DLG2: variants seen among roughly 807,000 people sequenced by gnomAD.
The protein encoded by DLG2 is disks large homolog 2.
Under a neutral mutation model 132.5 loss-of-function variants are expected in DLG2, and 45 were observed. That is an observed-to-expected ratio of 0.34 (90% CI 0.27 to 0.44). The LOEUF (loss-of-function observed/expected upper bound fraction) is 0.44, where lower values mean the gene tolerates loss of function less well. DLG2 is among the 20% of genes least tolerant of loss of function. The pLI is 1.00. For missense variants in DLG2, 1,045 were observed against 1,196.9 expected (o/e 0.87, Z 1.87); for synonymous variants, 424 against 419.6 (o/e 1.01, Z -0.13).
At chr11:84,214,603 G>T (rs1343693319) in intron 8 of DLG2, among the ~76,000 whole-genome samples, 2 of 152,004 alleles carry the variant, frequency 1.3e-5, no homozygotes, top group Admixed American at 6.6e-5. Context: ...TAGCCAGATT[G>T]CACTCTCAGT....
intron 4 of DLG2, among the ~76,000 whole-genome samples, chr11:85,278,139 A>G (rs2078006113): frequency 6.6e-6 from 1 of 152,216 alleles, no homozygotes; most frequent in Non-Finnish European, 1.5e-5. Flanking sequence ...CTCCTAAGAA[A>G]GGTGATGGGA....
At chr11:85,475,951 A>G (rs1183588211) in intron 3 of DLG2, among the ~76,000 whole-genome samples, 1 of 152,136 alleles carries the variant, frequency 6.6e-6, no homozygotes, top group Non-Finnish European at 1.5e-5. Context: ...ATATCCAAAG[A>G]TCTAAGAAAG....
chr11:84,480,635 C>A (rs1277381271), intron 7 of DLG2, among the ~76,000 whole-genome samples: 1 of 151,970 alleles, frequency 6.6e-6, no homozygotes, highest in Non-Finnish European at 1.5e-5. Flanking sequence ...AATTTCTGGG[C>A]TCAAAATCCA....
chr11:85,128,581 T>C (rs923340255), intron 5 of DLG2, among the ~76,000 whole-genome samples: 3 of 152,148 alleles, frequency 2.0e-5, no homozygotes, highest in African/African-American at 7.2e-5. Flanking sequence ...ATTGACTCCT[T>C]GCATTTCATT....
intron 4 of DLG2, among the ~76,000 whole-genome samples, chr11:85,283,318 C>T (rs1195263840): frequency 1.3e-5 from 2 of 148,528 alleles, no homozygotes; most frequent in Non-Finnish European, 3.0e-5. Flanking sequence ...GCAATGAAAG[C>T]CTAGAAAAAA....
chr11:84,581,990 T>G (rs1201155985), intron 6 of DLG2, among the ~76,000 whole-genome samples: 1 of 150,888 alleles, frequency 6.6e-6, no homozygotes, highest in Non-Finnish European at 1.5e-5. Flanking sequence ...TTAGTGTTCA[T>G]ATTCACAAAT....
chr11:84,770,251 G>C (rs2069086337), intron 6 of DLG2, among the ~76,000 whole-genome samples: 1 of 152,182 alleles, frequency 6.6e-6, no homozygotes, highest in Non-Finnish European at 1.5e-5. Context: ...CTGAGCAGAT[G>C]CTGGTGTCAT....
chr11:83,863,789 AG>A (rs2061832705), intron 16 of DLG2, among the ~76,000 whole-genome samples: 7 of 152,288 alleles, frequency 4.6e-5, no homozygotes, highest in African/African-American at 1.7e-4. Context: ...ATTTAAATGA[AG>A]TTACAGATAT....
intron 6 of DLG2, among the ~76,000 whole-genome samples, chr11:85,104,104 G>T (rs969670041): frequency 6.6e-6 from 1 of 151,834 alleles, no homozygotes; most frequent in Non-Finnish European, 1.5e-5. Flanking sequence ...TTCATATATT[G>T]CTAGAAGGAA....
intron 25 of DLG2, 85 bp downstream of exon 25, chr11:83,469,116 G>C (rs1297301472): frequency 1.0e-6 from 1 of 979,082 alleles, no homozygotes; most frequent in South Asian, 1.9e-5. Context: ...AATCAAGAAA[G>C]AGTAATGACC....
chr11:84,852,104 A>G (rs1376656080), intron 6 of DLG2, among the ~76,000 whole-genome samples: 1 of 152,030 alleles, frequency 6.6e-6, no homozygotes, highest in Non-Finnish European at 1.5e-5. Flanking sequence ...TCAATGGGTG[A>G]GCCTACCTGC....
At chr11:85,474,992 CAA>C (rs1331046103) in intron 3 of DLG2, among the ~76,000 whole-genome samples, 3 of 150,954 alleles carry the variant, frequency 2.0e-5, no homozygotes, top group Non-Finnish European at 3.0e-5. Flanking sequence ...GAAAAGGTAA[CAA>C]AGAGTAGAAA....
intron 16 of DLG2, among the ~76,000 whole-genome samples, chr11:83,850,160 G>GTGTGTGTGTGTGTGTGT (rs1452960432): frequency 8.0e-6 from 1 of 124,302 alleles, no homozygotes; most frequent in Non-Finnish European, 1.7e-5. Flanking sequence ...GTGTGTGTGT[G>GTGTGTGTGTGTGTGTGT]TTTTTTTACT....
chr11:84,653,303 T>C (rs1486861487), intron 6 of DLG2, among the ~76,000 whole-genome samples: 3 of 152,122 alleles, frequency 2.0e-5, no homozygotes, highest in Non-Finnish European at 4.4e-5. Context: ...TTCAGAGCAG[T>C]TTCAATTCTA....
At chr11:83,610,258 C>T (rs1459510157) in intron 19 of DLG2, among the ~76,000 whole-genome samples, 2 of 152,146 alleles carry the variant, frequency 1.3e-5, no homozygotes, top group Middle Eastern at 3.4e-3. Context: ...ATGTGGTTTA[C>T]GTGAAAAACA....
intron 9 of DLG2, among the ~76,000 whole-genome samples, chr11:84,135,596 G>A (rs1341428482): frequency 2.6e-5 from 4 of 152,102 alleles, no homozygotes; most frequent in Admixed American, 6.6e-5. Context: ...AGTAGGGCAT[G>A]GAGAAGGGCA....
At chr11:84,581,025 C>T (rs184622330) in intron 6 of DLG2, among the ~76,000 whole-genome samples, 130 of 152,242 alleles carry the variant, frequency 8.5e-4, no homozygotes, top group Non-Finnish European at 1.2e-3. Context: ...GAGAGAAGCA[C>T]GAAAAAGCCA....
At chr11:83,940,213 G>C (rs1403671816) in intron 14 of DLG2, among the ~76,000 whole-genome samples, 1 of 152,172 alleles carries the variant, frequency 6.6e-6, no homozygotes, top group African/African-American at 2.4e-5. Context: ...CTAAACATTA[G>C]AAAGTCCCTG....
intron 9 of DLG2, among the ~76,000 whole-genome samples, chr11:84,118,655 A>G (rs1175305285): frequency 6.6e-6 from 1 of 152,242 alleles, no homozygotes. Context: ...ACTTAACCCG[A>G]GTATAAACAA....
Sources: allele counts gnomAD v4.1 joint callset (sites outside exome capture counted in the v4.1 genomes callset), GRCh38; gene constraint gnomAD v4.1.1; transcripts MANE v1.5; gene names NCBI Gene and HGNC (gene_info 2026-07-23, HGNC 2026-07-21).